The following SDC3 variants were observed in gnomAD, a reference collection of about 807,000 sequenced individuals.
SDC3 encodes the protein syndecan-3.
A neutral mutation model predicts 24.4 loss-of-function variants in SDC3; 13 were observed. The ratio of observed to expected loss-of-function variants is 0.53; its 90% CI spans 0.35 to 0.85. The LOEUF (loss-of-function observed/expected upper bound fraction) is 0.85, where lower values mean the gene tolerates loss of function less well. Among genes scored for constraint, SDC3 ranks in the 40% least tolerant of loss-of-function variants. The pLI is 0.01. For synonymous variants in SDC3, 295 were observed against 260.9 expected (o/e 1.13, Z -1.26); for missense variants, 571 against 584.5 (o/e 0.98, Z 0.24).
At chr1:30,891,908 C>T (rs1211711703) in intron 1 of SDC3, among the ~76,000 whole-genome samples, 1 of 151,404 alleles carries the variant, frequency 6.6e-6, no homozygotes, top group African/African-American at 2.4e-5. Flanking sequence ...GTGCCTTAGA[C>T]TGCCAGGCAG....
At chr1:30,894,489 A>G (rs1570020317) in intron 1 of SDC3, among the ~76,000 whole-genome samples, 6 of 7,078 alleles carry the variant, frequency 8.5e-4, no homozygotes, top group South Asian at 0.01. Context: ...GTGTGGATGA[A>G]TGTGGGGGGT....
At chr1:30,909,098 G>C (rs1420493089), upstream of SDC3, among the ~76,000 whole-genome samples, 1 of 152,134 alleles carries the variant, frequency 6.6e-6, no homozygotes, top group Non-Finnish European at 1.5e-5. Context: ...TGAAGTCGCC[G>C]AGCGGAGGGG....
Position 30,878,607 on chromosome 1 carries a change from G to GGA in SDC3, c.256+14_256+15dup. 2 of 1,587,824 alleles carry GGA rather than the reference G, an allele frequency of 1.3e-6. No homozygotes were observed. Among genetic ancestry groups the GGA allele is most frequent in the Middle Eastern group, 1.7e-4 (1 of 6,016 alleles). ...GGTCACTGCCCCCAGGCAGAGGTAG[G>GGA]GAGGGGGGTACTTACAGCCCGAGCC... On this transcript the variant is annotated intron_variant, in intron 2 of 4. Transcript: ENST00000339394.
At chr1:30,909,454 C>T (rs1017307120), upstream of SDC3, among the ~76,000 whole-genome samples, 1 of 152,310 alleles carries the variant, frequency 6.6e-6, no homozygotes, top group Admixed American at 6.5e-5. Flanking sequence ...GACTCAGACC[C>T]CCCATGGTTG....
intron 1 of SDC3, among the ~76,000 whole-genome samples, chr1:30,894,011 C>T (rs1052709763): frequency 5.9e-5 from 9 of 152,114 alleles, no homozygotes; most frequent in African/African-American, 2.2e-4. Context: ...GCCTTAATCA[C>T]CTCTAACGAG....
chr1:30,882,909 TGAG>T (rs1428810107), intron 1 of SDC3, among the ~76,000 whole-genome samples: 1 of 152,186 alleles, frequency 6.6e-6, no homozygotes, highest in African/African-American at 2.4e-5. Flanking sequence ...ATGGAGATGA[TGAG>T]AAGACTACGC....
intron 1 of SDC3, among the ~76,000 whole-genome samples, chr1:30,898,632 G>A (rs1361087250): frequency 6.6e-6 from 1 of 152,178 alleles, no homozygotes; most frequent in East Asian, 1.9e-4. Context: ...TGGCCCAAGA[G>A]GAACCAGAGA....
Position 30,872,480 on chromosome 1 carries a change from G to A in SDC3, c.*731C>T, listed in dbSNP as rs992312359. 3 of 152,330 alleles carry A rather than the reference G, an allele frequency of 2.0e-5. No homozygotes were observed. The highest frequency in any genetic ancestry group is 7.2e-5 in the African/African-American group (3 of 41,426). The allele number at this position is 152,330 out of a possible 1,614,324, so 9.4% of individuals were successfully genotyped here. ...CTTGTGTGTGACTGAGTGAAAATAT[G>A]GTGATAGTGTGGGCAATGGTGTCTG... On this transcript the variant is annotated 3_prime_UTR_variant, in exon 5 of 5. Transcript: ENST00000339394.
intron 1 of SDC3, among the ~76,000 whole-genome samples, chr1:30,879,719 G>C (rs1639710404): frequency 6.6e-6 from 1 of 152,216 alleles, no homozygotes; most frequent in East Asian, 1.9e-4. Flanking sequence ...GCTGGGCAGT[G>C]GCTGGGAGGC....
intron 1 of SDC3, among the ~76,000 whole-genome samples, chr1:30,904,060 A>C (rs1406892540): frequency 6.6e-6 from 1 of 152,072 alleles, no homozygotes; most frequent in African/African-American, 2.4e-5. Context: ...CCCCATCTCT[A>C]CTAAAAATAC....
At position 30,869,667 on chromosome 1, in the gene SDC3, A is replaced by G; in HGVS notation, c.*3544T>C. ...ACTGTCTTTTTCTTTTGTTTTTCTT[A>G]TTTAAGGTTTTGGCCATGAACTCAG... On this transcript the variant is annotated 3_prime_UTR_variant, in exon 5 of 5. Coordinates refer to ENST00000339394, the MANE Select transcript of SDC3 (RefSeq NM_014654.4). 1 of 396,778 alleles carries G rather than the reference A, an allele frequency of 2.5e-6. No homozygotes were observed. 24.6% of individuals were successfully genotyped at this position (396,778 alleles called of 1,614,324 possible).
At chr1:30,874,199 A>T in intron 4 of SDC3, 98 bp downstream of exon 4, 2 of 992,030 alleles carry the variant, frequency 2.0e-6, no homozygotes, top group Non-Finnish European at 3.0e-6. Flanking sequence ...CCACGCCCTG[A>T]TCTCCTTTCT....
At chr1:30,888,866 G>A (rs555383533) in intron 1 of SDC3, among the ~76,000 whole-genome samples, 7 of 152,316 alleles carry the variant, frequency 4.6e-5, no homozygotes, top group South Asian at 2.1e-4. Flanking sequence ...GGGAAACTGA[G>A]GCACAGAGCA....
At chr1:30,895,517 A>C (rs1455003237) in intron 1 of SDC3, among the ~76,000 whole-genome samples, 1 of 152,194 alleles carries the variant, frequency 6.6e-6, no homozygotes, top group East Asian at 1.9e-4. Flanking sequence ...GACCCTCAAC[A>C]GCCACACTTC....
chr1:30,902,808 C>A (rs112954087), intron 1 of SDC3, among the ~76,000 whole-genome samples: 1 of 152,236 alleles, frequency 6.6e-6, no homozygotes, highest in African/African-American at 2.4e-5. Flanking sequence ...TCCCAGCCCA[C>A]GGGCACATGC....
intron 1 of SDC3, among the ~76,000 whole-genome samples, chr1:30,897,692 G>A (rs934197672): frequency 6.6e-6 from 1 of 152,150 alleles, no homozygotes; most frequent in Non-Finnish European, 1.5e-5. Context: ...GTACTAGATG[G>A]GACTCCAGGG....
rs557933681 is a variant in SDC3 at position 30,907,626 on chromosome 1, CA to C, written c.138+822del. The stretch of plus-strand genomic sequence containing the variant: ...GCCAGGCACAGGCACACATCATGCA[CA>C]ATGGGTCACCCTCCCACGACCACGG... On this transcript the variant is annotated intron_variant, in intron 1 of 4. Coordinates refer to ENST00000339394, the MANE Select transcript of SDC3 (RefSeq NM_014654.4). Among the ~76,000 whole-genome samples the C allele has an allele frequency of 1.4e-4, 22 of 152,298 alleles. 1 individual carries two copies. The South Asian group carries it at 4.6e-3, about 32-fold the overall frequency.
intron 1 of SDC3, among the ~76,000 whole-genome samples, chr1:30,901,135 C>T (rs1187307466): frequency 6.6e-6 from 1 of 152,176 alleles, no homozygotes; most frequent in African/African-American, 2.4e-5. Context: ...ATCTCTGAGC[C>T]TTCCTCTAAA....
rs1451518427 is a variant in SDC3 at position 30,907,486 on chromosome 1, G to A, written c.138+963C>T. ...GTCCCCCATGCACCTGCATGCACACGCTGCTATGTGCACTCACACACATTC... is the reference window on the plus strand; with the variant it reads ...GTCCCCCATGCACCTGCATGCACACACTGCTATGTGCACTCACACACATTC... On this transcript the variant is annotated intron_variant, in intron 1 of 4. Transcript: ENST00000339394. Among the ~76,000 whole-genome samples, 5 of 152,080 alleles carry A rather than the reference G, an allele frequency of 3.3e-5. 1 individual carries two copies. Among genetic ancestry groups the A allele is most frequent in the South Asian group, 4.1e-4 (2 of 4,824 alleles).
Sources: gnomAD v4.1 joint callset for allele counts (sites outside exome capture counted in the v4.1 genomes callset) on GRCh38, gnomAD v4.1.1 for gene constraint, MANE v1.5 for transcripts, NCBI Gene and HGNC (gene_info 2026-07-23, HGNC 2026-07-21) for gene names.